The following MYT1L variants were observed in gnomAD, a reference collection of about 807,000 sequenced individuals.
The protein encoded by MYT1L is myelin transcription factor 1-like protein.
A neutral mutation model predicts 126.7 loss-of-function variants in MYT1L; 12 were observed. That is an observed-to-expected ratio of 0.09 (90% CI 0.06 to 0.15). The LOEUF is 0.15. Among genes scored for constraint, MYT1L ranks in the 10% least tolerant of loss-of-function variants. The pLI is 1.00. For synonymous variants in MYT1L, 541 were observed against 604.2 expected, an observed-to-expected ratio of 0.90 and a Z score of 1.53; for missense variants, 979 against 1,585.2, an observed-to-expected ratio of 0.62 and a Z score of 6.49.
intron 2 of MYT1L, among the ~76,000 whole-genome samples, chr2:2,240,430 A>G (rs1349774515): frequency 6.6e-6 from 1 of 152,218 alleles, no homozygotes; most frequent in East Asian, 1.9e-4. Context: ...TCAAGAAAAT[A>G]TGGGATCAAT....
chr2:2,290,814 C>T (rs1324103189), intron 1 of MYT1L, among the ~76,000 whole-genome samples: 3 of 152,006 alleles, frequency 2.0e-5, no homozygotes, highest in Non-Finnish European at 4.4e-5. Flanking sequence ...TTTTTAAGGT[C>T]CCCTGGTGAT....
chr2:1,847,330 T>C (rs2042635619), intron 19 of MYT1L, among the ~76,000 whole-genome samples: 1 of 152,202 alleles, frequency 6.6e-6, no homozygotes, highest in African/African-American at 2.4e-5. Context: ...TCGGGAACCG[T>C]AGAGGCCACA....
At chr2:2,265,740 TTCAATAATCCAAATACATGAAGA>T (rs1286698971) in intron 2 of MYT1L, among the ~76,000 whole-genome samples, 6 of 152,302 alleles carry the variant, frequency 3.9e-5, no homozygotes, top group Non-Finnish European at 5.9e-5. Flanking sequence ...AAGCATGAAG[TTCAATAATCCAAATACATGAAGA>T]GAAGTTCACG....
At chr2:2,266,317 G>A (rs1009720954) in intron 2 of MYT1L, among the ~76,000 whole-genome samples, 2 of 152,148 alleles carry the variant, frequency 1.3e-5, no homozygotes. Flanking sequence ...CTCATTCCTT[G>A]TGCAATGGAA....
chr2:2,298,712 A>T (rs143797483), intron 1 of MYT1L, among the ~76,000 whole-genome samples: 31 of 152,284 alleles, frequency 2.0e-4, no homozygotes, highest in Non-Finnish European at 3.8e-4. Flanking sequence ...CCTGGTCCCA[A>T]TGTCAAGAAG....
At position 2,205,989 on chromosome 2, in the gene MYT1L, T is replaced by TTTTCTTTC. The variant is rs1559334824; in HGVS notation, c.-420-33002_-420-33001insGAAAGAAA. 5.2e-3 allele frequency among the ~76,000 whole-genome samples: 509 copies of TTTTCTTTC among 98,006 alleles called. 4 individuals are homozygous for TTTTCTTTC. The highest frequency in any genetic ancestry group is 0.016 in the African/African-American group (497 of 30,574). The allele number at this position is 98,006 out of a possible 152,430, so 64.3% of individuals were successfully genotyped here. ...AATTTCTTTTCTTTTCTTTTCTTTC[T>TTTTCTTTC]TTTTTTTTTTTGAAACAGGGTCTCA... On this transcript the variant is annotated intron_variant, in intron 2 of 24. Coordinates refer to ENST00000647738, the MANE Select transcript of MYT1L (RefSeq NM_001303052.2).
Position 1,979,732 on chromosome 2 carries a change from C to T in MYT1L, c.46G>A (p.Gly16Arg), listed in dbSNP as rs1295853812. 1.9e-6 allele frequency: 3 copies of T among 1,614,032 alleles called. No homozygotes were observed. The highest frequency in any genetic ancestry group is 1.7e-6 in the Non-Finnish European group (2 of 1,179,906). ...GGAAGCGCGGACATACCTCGAACCC[C>T]TTTGGACCGCGTGCGATGCCGCTTC... ...EEKRHRTRSK[G>R]VRVPVEPAIQ... The change falls in exon 6 of 25, where the codon GGG becomes AGG. Residue 16 changes from glycine (G) to arginine (R), a missense_variant. Gly to Arg is a moderately radical substitution (Grantham distance 125). Transcript: ENST00000647738. The surrounding 1 kb of genome is among the most constrained non-coding windows in gnomAD (Gnocchi z 4.0).
chr2:2,057,049 C>G (rs1437119312), intron 3 of MYT1L, among the ~76,000 whole-genome samples: 1 of 152,166 alleles, frequency 6.6e-6, no homozygotes, highest in Admixed American at 6.5e-5. Context: ...TTTGCAGAAC[C>G]ATAGCACATA....
At chr2:2,312,184 C>T (rs573954404) in intron 1 of MYT1L, among the ~76,000 whole-genome samples, 98 of 152,296 alleles carry the variant, frequency 6.4e-4, no homozygotes, top group African/African-American at 2.2e-3. Context: ...CATTCTGTTC[C>T]GCTTATGTTT....
chr2:1,964,228 A>C (rs1258304580), intron 8 of MYT1L, among the ~76,000 whole-genome samples: 1 of 152,224 alleles, frequency 6.6e-6, no homozygotes, highest in Non-Finnish European at 1.5e-5. Flanking sequence ...TTACGGATTA[A>C]GTTTACTGTC....
At chr2:2,164,151 G>A (rs2088582138) in intron 3 of MYT1L, among the ~76,000 whole-genome samples, 1 of 152,168 alleles carries the variant, frequency 6.6e-6, no homozygotes, top group Non-Finnish European at 1.5e-5. Flanking sequence ...TTGTGGTGAT[G>A]CAGTAAAGCT....
Position 2,229,906 on chromosome 2 carries a change from T to C in MYT1L, c.-421+54498A>G, listed in dbSNP as rs980937170. ...ACAGAAAACCACATTTACAATTTTA[T>C]TATTTATAAATCCTTCCGGTGAAAA... On this transcript the variant is annotated intron_variant, in intron 2 of 24. Coordinates refer to ENST00000647738, the MANE Select transcript of MYT1L (RefSeq NM_001303052.2). 2.0e-5 allele frequency among the ~76,000 whole-genome samples: 3 copies of C among 152,356 alleles called. No homozygotes were observed. The South Asian group carries it at 6.2e-4, about 32-fold the overall frequency.
intron 3 of MYT1L, among the ~76,000 whole-genome samples, chr2:2,170,774 T>A (rs1477784062): frequency 1.3e-5 from 2 of 152,160 alleles, no homozygotes; most frequent in Non-Finnish European, 2.9e-5. Context: ...AATGAGAACA[T>A]GGATAACAAA....
chr2:2,025,669 C>T (rs1356201211), intron 4 of MYT1L, among the ~76,000 whole-genome samples: 3 of 152,136 alleles, frequency 2.0e-5, no homozygotes, highest in Non-Finnish European at 4.4e-5. Context: ...TGTGGTGCAC[C>T]CAGCTCCCTG....
At chr2:2,279,213 A>G (rs185503113) in intron 2 of MYT1L, among the ~76,000 whole-genome samples, 2 of 152,226 alleles carry the variant, frequency 1.3e-5, no homozygotes, top group Non-Finnish European at 2.9e-5. Flanking sequence ...GGTACAGAGG[A>G]CAAAACTCCC....
chr2:1,894,940 T>C, intron 14 of MYT1L, among the ~76,000 whole-genome samples: 1 of 152,230 alleles, frequency 6.6e-6, no homozygotes, highest in East Asian at 1.9e-4. Context: ...TTCACAGATG[T>C]GGAGACTGAG....
intron 2 of MYT1L, among the ~76,000 whole-genome samples, chr2:2,245,482 T>C (rs866038434): frequency 9.2e-5 from 14 of 152,230 alleles, no homozygotes; most frequent in Non-Finnish European, 5.9e-5. Flanking sequence ...ATTCAGCAGC[T>C]GGTATTATAT....
At chr2:2,238,803 C>A (rs1055884344) in intron 2 of MYT1L, among the ~76,000 whole-genome samples, 1 of 152,172 alleles carries the variant, frequency 6.6e-6, no homozygotes, top group Admixed American at 6.5e-5. Context: ...GGAAGTAAGC[C>A]CTCTTTGACT....
intron 4 of MYT1L, among the ~76,000 whole-genome samples, chr2:2,032,928 AC>A (rs1205061713): frequency 1.4e-4 from 18 of 132,828 alleles, no homozygotes; most frequent in East Asian, 7.1e-4. Context: ...CCTTATACAC[AC>A]CCCTCGCCAG....
Sources: allele counts gnomAD v4.1 joint callset (sites outside exome capture counted in the v4.1 genomes callset), GRCh38; gene constraint gnomAD v4.1.1; non-coding constraint Gnocchi (gnomAD v3.1); transcripts MANE v1.5; gene names NCBI Gene and HGNC (gene_info 2026-07-23, HGNC 2026-07-21).